The following FHIP2B variants were observed in gnomAD, a reference collection of about 807,000 sequenced individuals.
FHIP2B encodes FHF complex subunit HOOK interacting protein 2B, also known as FHF complex subunit HOOK-interacting protein 2B.
Under a neutral mutation model 84.0 loss-of-function variants are expected in FHIP2B, and 72 were observed. That is an observed-to-expected ratio of 0.86 (90% CI 0.71 to 1.04). The LOEUF is 1.04. Ranked by LOEUF, FHIP2B falls within the 50% of genes least tolerant of loss-of-function variation. The pLI, the probability that FHIP2B is intolerant of heterozygous loss-of-function variation, is 0.00. For synonymous variants in FHIP2B, 497 were observed against 418.7 expected (o/e 1.19, Z -2.28); for missense variants, 972 against 968.9 (o/e 1.00, Z -0.04).
At chr8:22,102,463 G>T in intron 15 of FHIP2B, 65 bp from the exon 16 acceptor site, 1 of 1,534,248 alleles carries the variant, frequency 6.5e-7, no homozygotes, top group East Asian at 2.4e-5. Context: ...TGCATGGTGT[G>T]GCAGGGCCAG....
chr8:22,094,363 G>A (rs1055152133), intron 1 of FHIP2B, 77 bp from the exon 2 acceptor site: 88 of 1,443,076 alleles, frequency 6.1e-5, no homozygotes, highest in African/African-American at 2.9e-5. Flanking sequence ...CTGACACTCA[G>A]AATATCTGTT....
chr8:22,102,507 C>A, intron 15 of FHIP2B, 21 bp from the exon 16 acceptor site: 3 of 1,551,498 alleles, frequency 1.9e-6, no homozygotes, highest in South Asian at 1.2e-5. Flanking sequence ...CCATCTGAGT[C>A]CCCTGTGATT....
Position 22,100,691 on chromosome 8 carries a change from C to T in FHIP2B, c.1439C>T (p.Pro480Leu). ...GTCCTGCGCAACCTTGAGGGCCGCC[C>T]TTACGTGGCCTGGGGCTCACCAGAG... The part of the protein sequence containing the change: ...SLVLRNLEGR[P>L]YVAWGSPEPE... The change falls in exon 11 of 17, where the codon CCT becomes CTT. Residue 480 changes from proline to leucine, a missense_variant. Physicochemically the swap from Pro to Leu is moderately conservative, Grantham distance 98. Coordinates refer to ENST00000289921, the MANE Select transcript of FHIP2B (RefSeq NM_022749.7). 6.2e-7 allele frequency: 1 copy of T among 1,606,710 alleles called. No homozygotes were observed. Among genetic ancestry groups the T allele is most frequent in the Non-Finnish European group, 8.5e-7 (1 of 1,175,974 alleles).
intron 1 of FHIP2B, among the ~76,000 whole-genome samples, chr8:22,092,790 A>G (rs1489274978): frequency 6.6e-6 from 1 of 152,060 alleles, no homozygotes; most frequent in Non-Finnish European, 1.5e-5. Flanking sequence ...GTTTTAGTTG[A>G]GATGTGATCT....
chr8:22,102,781 A>G lies in FHIP2B; in HGVS notation c.2094-12A>G, dbSNP rs1396897294. The G allele has an allele frequency of 6.2e-7, 1 of 1,612,212 alleles. No individual in the cohort carries two copies. The highest frequency in any genetic ancestry group is 8.5e-7 in the Non-Finnish European group (1 of 1,179,218). ...CCCACCCAGCCATGCCCCCTGTGCC[A>G]TCTCCCCTCAGGCTGGACCACCAGA... On this transcript the variant is annotated splice_polypyrimidine_tract_variant and intron_variant, in intron 16 of 16. Coordinates refer to ENST00000289921, the MANE Select transcript of FHIP2B (RefSeq NM_022749.7).
chr8:22,102,553 T>A lies in FHIP2B; in HGVS notation c.2018T>A (p.Ile673Asn), dbSNP rs867759989. The A allele has an allele frequency of 1.3e-6, 2 of 1,560,818 alleles. No homozygotes were observed. The highest frequency in any genetic ancestry group is 1.9e-5 in the Admixed American group (1 of 51,984). ...GTGATCGGGGACTTGATGCAGAGAA[T>A]CCAGAGGGTACCCCAGTTCCCAGGC... The part of the protein sequence containing the change: ...VRVIGDLMQR[I>N]QRVPQFPGKL... The change falls in exon 16 of 17, where the codon ATC becomes AAC. Residue 673 changes from isoleucine (I) to asparagine (N), a missense_variant. By Grantham distance (149) the Ile-to-Asn change is moderately radical. Coordinates refer to ENST00000289921, the MANE Select transcript of FHIP2B (RefSeq NM_022749.7).
chr8:22,098,365 T>TG (rs1825909339), intron 6 of FHIP2B, 55 bp downstream of exon 6: 19 of 1,335,154 alleles, frequency 1.4e-5, no homozygotes, highest in Non-Finnish European at 1.7e-5. Context: ...GGTTGACGGC[T>TG]GGGGGGTGAT....
intron 1 of FHIP2B, chr8:22,089,747 G>C: frequency 1.6e-6 from 2 of 1,263,952 alleles, no homozygotes; most frequent in Non-Finnish European, 2.1e-6. Context: ...CTTCCCCTCG[G>C]TCTGATCTCC....
In FHIP2B at chr8:22,102,304, G is replaced by T. The variant is rs780463207; in HGVS notation, c.1981G>T (p.Val661Leu). 1 of 1,612,418 alleles carries T rather than the reference G, an allele frequency of 6.2e-7. No homozygotes were observed. Among genetic ancestry groups the T allele is most frequent in the Non-Finnish European group, 8.5e-7 (1 of 1,179,832 alleles). Residue 661 changes from valine to leucine, a missense_variant, in exon 15 of 17, where the codon GTG becomes TTG. By Grantham distance (32) the Val-to-Leu change is conservative. Transcript: ENST00000289921. ...LAPGCRSLFS[V>L]LVRVIGDLMQ... ...CCCCGGCTGCAGGAGCCTATTCTCCGTGTTGGTGAGGGTGAGGACGCCTCG... is the reference window on the plus strand; with the variant it reads ...CCCCGGCTGCAGGAGCCTATTCTCCTTGTTGGTGAGGGTGAGGACGCCTCG...
At chr8:22,101,040 G>C (rs1380091763) in intron 12 of FHIP2B, 68 bp downstream of exon 12, 4 of 1,523,174 alleles carry the variant, frequency 2.6e-6, no homozygotes, top group Non-Finnish European at 2.6e-6. Flanking sequence ...TTTTGAGATA[G>C]AGTCTCGCTC....
chr8:22,095,457 C>G (rs1825711125), intron 2 of FHIP2B: 1 of 150,898 alleles, frequency 6.6e-6, no homozygotes. Context: ...GACATTGCCT[C>G]ATGTTCCCTG....
intron 5 of FHIP2B, 33 bp from the exon 6 acceptor site, chr8:22,098,035 A>G (rs1336588033): frequency 6.4e-7 from 1 of 1,561,764 alleles, no homozygotes; most frequent in African/African-American, 1.4e-5. Flanking sequence ...AGTGGTCCCC[A>G]CCAGGTCTGG....
At chr8:22,094,229 T>A (rs544802271) in intron 1 of FHIP2B, among the ~76,000 whole-genome samples, 1 of 152,228 alleles carries the variant, frequency 6.6e-6, no homozygotes, top group South Asian at 2.1e-4. Context: ...GAGGGGTATC[T>A]AGGGAGAAGT....
In FHIP2B at chr8:22,098,416, C is replaced by A. The variant is rs1387811634; in HGVS notation, c.769-7C>A. On this transcript the variant is annotated splice_region_variant and splice_polypyrimidine_tract_variant and intron_variant, in intron 6 of 16. Coordinates refer to ENST00000289921, the MANE Select transcript of FHIP2B (RefSeq NM_022749.7). ...CATGTCCCTGAAGTTGTATCCTCAT[C>A]CCCTAGAAGAGTCGGGTGGCCTTGA... 1 of 1,579,800 alleles carries A rather than the reference C, an allele frequency of 6.3e-7. No homozygotes were observed. Among genetic ancestry groups the A allele is most frequent in the East Asian group, 2.3e-5 (1 of 44,386 alleles).
Position 22,094,638 on chromosome 8 carries a change from G to A in FHIP2B, c.124+120G>A, listed in dbSNP as rs950066665. 4 of 1,543,052 alleles carry A rather than the reference G, an allele frequency of 2.6e-6. No individual in the cohort carries two copies. The African/African-American group carries it at 5.6e-5, about 21-fold the overall frequency. On this transcript the variant is annotated intron_variant, in intron 2 of 16. Transcript: ENST00000289921. ...ACCTGCCCAGTCGTTCAGAATTGGA[G>A]CCGAGTTCACGGAGACAGAGAACCA...
Position 22,102,514 on chromosome 8 carries a change from G to T in FHIP2B, c.1993-14G>T. The stretch of plus-strand genomic sequence containing the variant: ...TGCTGGCCCCATCTGAGTCCCCTGT[G>T]ATTCCCGCTGTAGGTGATCGGGGAC... On this transcript the variant is annotated splice_polypyrimidine_tract_variant and intron_variant, in intron 15 of 16. Coordinates refer to ENST00000289921, the MANE Select transcript of FHIP2B (RefSeq NM_022749.7). The T allele has an allele frequency of 1.9e-6, 3 of 1,553,192 alleles. No individual in the cohort carries two copies. The highest frequency in any genetic ancestry group is 1.2e-5 in the South Asian group (1 of 84,174).
rs200291135 is a variant in FHIP2B at position 22,101,822 on chromosome 8, T to C, written c.1822T>C (p.Phe608Leu). The change falls in exon 14 of 17, where the codon TTT (phenylalanine) becomes CTT (leucine). Residue 608 changes from phenylalanine (F) to leucine (L), a missense_variant. Transcript: ENST00000289921. Reference sequence around the variant, plus strand: ...CGAGGGCCACTTCCTCCGAGTGCTGTTTGACCGCATGTCCCGGATTCTGGA... The same window carrying C: ...CGAGGGCCACTTCCTCCGAGTGCTGCTTGACCGCATGTCCCGGATTCTGGA... The part of the protein sequence containing the change: ...FFEGHFLRVL[F>L]DRMSRILDQP... 225 of 1,613,492 alleles carry C rather than the reference T, an allele frequency of 1.4e-4. 1 individual carries two copies. The highest frequency in any genetic ancestry group is 1.2e-4 in the Admixed American group (7 of 59,978).
In FHIP2B at chr8:22,100,580, C is replaced by G. The variant is rs746497332; in HGVS notation, c.1342-14C>G. ...GGGGAAGGGGCTATCCTGCCGACCC[C>G]CTTCCTGCTCCAGATCAGCATCACC... is the stretch of plus-strand genomic sequence containing the variant. On this transcript the variant is annotated splice_polypyrimidine_tract_variant and intron_variant, in intron 10 of 16. Coordinates refer to ENST00000289921, the MANE Select transcript of FHIP2B (RefSeq NM_022749.7). The G allele has an allele frequency of 3.3e-6, 5 of 1,526,920 alleles. No individual in the cohort carries two copies. In the Admixed American group the frequency reaches 6.4e-5, roughly 19 times the overall value. 94.6% of individuals were successfully genotyped at this position (1,526,920 alleles called of 1,614,324 possible). A position where few individuals can be genotyped will look rare whatever the true frequency, so the allele number is the denominator to read the frequency against.
In FHIP2B at chr8:22,098,046, C is replaced by T. The variant is rs1287994879; in HGVS notation, c.526-22C>T. ...GGGAAGTGGTCCCCACCAGGTCTGGCCTCATCTCACCCTCTTTTCAGGGTA... is the reference window on the plus strand; with the variant it reads ...GGGAAGTGGTCCCCACCAGGTCTGGTCTCATCTCACCCTCTTTTCAGGGTA... On this transcript the variant is annotated intron_variant, in intron 5 of 16. Coordinates refer to ENST00000289921, the MANE Select transcript of FHIP2B (RefSeq NM_022749.7). 4 of 1,578,518 alleles carry T rather than the reference C, an allele frequency of 2.5e-6. No individual in the cohort carries two copies. In the African/African-American group the frequency reaches 5.4e-5, roughly 21 times the overall value.
Sources: allele counts gnomAD v4.1 joint callset (sites outside exome capture counted in the v4.1 genomes callset), GRCh38; gene constraint gnomAD v4.1.1; transcripts MANE v1.5; gene names NCBI Gene and HGNC (gene_info 2026-07-23, HGNC 2026-07-21).